The following PANK1 variants were observed in gnomAD, a reference collection of about 807,000 sequenced individuals.
PANK1 encodes the protein pantothenate kinase 1.
PANK1 carries 18 observed loss-of-function variants against 40.1 expected under a neutral mutation model. That is an observed-to-expected ratio of 0.45 (90% confidence interval 0.31 to 0.67). The LOEUF (loss-of-function observed/expected upper bound fraction) is 0.67, where lower values mean the gene tolerates loss of function less well. Among genes scored for constraint, PANK1 ranks in the 30% least tolerant of loss-of-function variants. The probability of loss-of-function intolerance (pLI) is 0.06; values close to 1 mark genes in which losing one functional copy is unlikely to be tolerated. For synonymous variants in PANK1, 242 were observed against 237.7 expected, an observed-to-expected ratio of 1.02 and a Z score of -0.17; for missense variants, 457 against 599.6, an observed-to-expected ratio of 0.76 and a Z score of 2.48.
intron 1 of PANK1, among the ~76,000 whole-genome samples, chr10:89,629,441 T>C (rs1841568121): frequency 6.6e-6 from 1 of 152,232 alleles, no homozygotes; most frequent in Admixed American, 6.5e-5. Flanking sequence ...ATTCAAAATA[T>C]TTTATTCGCC....
chr10:89,642,338 C>T (rs1048241694), intron 1 of PANK1, among the ~76,000 whole-genome samples: 20 of 152,242 alleles, frequency 1.3e-4, no homozygotes, highest in African/African-American at 4.8e-4. Context: ...TCCACACATG[C>T]ATTCCAGGTG....
chr10:89,594,482 C>T (rs1049256191), intron 3 of PANK1, among the ~76,000 whole-genome samples: 3 of 152,186 alleles, frequency 2.0e-5, no homozygotes, highest in Non-Finnish European at 4.4e-5. Flanking sequence ...ACAAAACTGA[C>T]CCAGGATTGT....
intron 2 of PANK1, among the ~76,000 whole-genome samples, chr10:89,605,948 A>G (rs1329564491): frequency 6.6e-6 from 1 of 152,218 alleles, no homozygotes; most frequent in African/African-American, 2.4e-5. Context: ...TGAAAACATT[A>G]ATTTCCTTTT....
At chr10:89,606,114 G>A (rs1189467030) in intron 2 of PANK1, among the ~76,000 whole-genome samples, 1 of 152,080 alleles carries the variant, frequency 6.6e-6, no homozygotes, top group Non-Finnish European at 1.5e-5. Flanking sequence ...ATGCCTTATT[G>A]TTACATTCGT....
intron 2 of PANK1, among the ~76,000 whole-genome samples, chr10:89,607,491 A>T (rs1845002425): frequency 6.6e-6 from 1 of 152,252 alleles, no homozygotes; most frequent in Non-Finnish European, 1.5e-5. Context: ...TACATGTGAC[A>T]CAGAGAAATG....
At chr10:89,639,814 T>C (rs1841921565) in intron 1 of PANK1, among the ~76,000 whole-genome samples, 1 of 152,196 alleles carries the variant, frequency 6.6e-6, no homozygotes. Context: ...CTGGGAGTAT[T>C]TGATGAGAGA....
At chr10:89,598,412 G>T (rs1189526925) in intron 3 of PANK1, among the ~76,000 whole-genome samples, 2 of 152,182 alleles carry the variant, frequency 1.3e-5, no homozygotes, top group Non-Finnish European at 2.9e-5. Flanking sequence ...AAAAACACTG[G>T]TTTCAACATC....
intron 2 of PANK1, among the ~76,000 whole-genome samples, chr10:89,608,030 C>CTT (rs33976210): frequency 4.5e-5 from 5 of 111,012 alleles, no homozygotes; most frequent in East Asian, 3.3e-4. Context: ...TGATCCTAAA[C>CTT]TTTTTTTTTT....
chr10:89,625,335 C>T (rs889097177), intron 1 of PANK1, among the ~76,000 whole-genome samples: 62 of 152,206 alleles, frequency 4.1e-4, no homozygotes, highest in African/African-American at 1.4e-3. Flanking sequence ...TTCCCAGACA[C>T]ATCTAATTGC....
chr10:89,644,029 A>G (rs894604077), intron 1 of PANK1: 29 of 346,984 alleles, frequency 8.4e-5, no homozygotes, highest in African/African-American at 2.9e-4. Context: ...CTCCCAAAAA[A>G]CCCTCTCATT....
In PANK1 at chr10:89,583,953, C is replaced by T. The variant is rs1844114518; in HGVS notation, c.*453G>A. The T allele has an allele frequency of 6.5e-6, 1 of 153,704 alleles. No homozygotes were observed. The highest frequency in any genetic ancestry group is 1.5e-5 in the Non-Finnish European group (1 of 68,920). The allele number at this position is 153,704 out of a possible 1,614,324, so 9.5% of individuals were successfully genotyped here. A position where few individuals can be genotyped will look rare whatever the true frequency, so the allele number is the denominator to read the frequency against. On this transcript the variant is annotated 3_prime_UTR_variant, in exon 7 of 7. Coordinates refer to ENST00000307534, the MANE Select transcript of PANK1 (RefSeq NM_148977.3). ...GTAAAACATGCCAGATTTGTAGTTTCATTTGAAACCAACAGCAAATCATGA... is the reference window on the plus strand; with the variant it reads ...GTAAAACATGCCAGATTTGTAGTTTTATTTGAAACCAACAGCAAATCATGA...
At chr10:89,599,579 A>G (rs1844713763) in intron 2 of PANK1, 74 bp from the exon 3 acceptor site, 1 of 1,397,242 alleles carries the variant, frequency 7.2e-7, no homozygotes, top group Non-Finnish European at 9.8e-7. Flanking sequence ...CAGAGGTTTT[A>G]TTTAAGATGG....
chr10:89,642,483 G>A (rs777631358), intron 1 of PANK1, among the ~76,000 whole-genome samples: 2 of 152,176 alleles, frequency 1.3e-5, no homozygotes, highest in Admixed American at 6.5e-5. Flanking sequence ...TAAAGTTTGC[G>A]TTTAAAGCAC....
chr10:89,587,291 A>G (rs1435075627), intron 6 of PANK1, among the ~76,000 whole-genome samples: 2 of 152,238 alleles, frequency 1.3e-5, no homozygotes, highest in Non-Finnish European at 2.9e-5. Flanking sequence ...TTACTTGCCA[A>G]GAGTCAGCTG....
intron 2 of PANK1, among the ~76,000 whole-genome samples, chr10:89,610,670 A>G (rs924415736): frequency 1.3e-5 from 2 of 152,232 alleles, no homozygotes; most frequent in Non-Finnish European, 2.9e-5. Context: ...GACAGACTTT[A>G]TAGCAAGACT....
intron 3 of PANK1, among the ~76,000 whole-genome samples, chr10:89,598,740 T>G (rs1236509678): frequency 6.6e-6 from 1 of 152,140 alleles, no homozygotes; most frequent in Non-Finnish European, 1.5e-5. Flanking sequence ...CACTCCAAAA[T>G]TCCCTAGGAG....
intron 1 of PANK1, among the ~76,000 whole-genome samples, chr10:89,623,093 A>G (rs1474821572): frequency 2.0e-5 from 3 of 152,210 alleles, no homozygotes; most frequent in African/African-American, 7.2e-5. Context: ...CTAAAAATTA[A>G]ATGGCTATTT....
chr10:89,583,381 G>C lies in PANK1; in HGVS notation c.*1025C>G, dbSNP rs771434993. 1.3e-5 allele frequency: 2 copies of C among 152,030 alleles called. No homozygotes were observed. Among genetic ancestry groups the C allele is most frequent in the African/African-American group, 2.4e-5 (1 of 41,386 alleles). 9.4% of individuals were successfully genotyped at this position (152,030 alleles called of 1,614,324 possible). On this transcript the variant is annotated 3_prime_UTR_variant, in exon 7 of 7. Coordinates refer to ENST00000307534, the MANE Select transcript of PANK1 (RefSeq NM_148977.3). ...ATTATTAAAGATGTGTTGTTACAAA[G>C]TTCCTAGATATATACATGTACAAAA... is the stretch of plus-strand genomic sequence containing the variant.
At chr10:89,618,268 T>C (rs1203598555) in intron 1 of PANK1, among the ~76,000 whole-genome samples, 1 of 152,190 alleles carries the variant, frequency 6.6e-6, no homozygotes, top group Non-Finnish European at 1.5e-5. Context: ...AATGGGAGTA[T>C]AGATTAAGTT....
Sources: allele counts gnomAD v4.1 joint callset (sites outside exome capture counted in the v4.1 genomes callset), GRCh38; gene constraint gnomAD v4.1.1; transcripts MANE v1.5; gene names NCBI Gene and HGNC (gene_info 2026-07-23, HGNC 2026-07-21).